The following CACNA1C variants were observed in gnomAD, a reference collection of about 807,000 sequenced individuals.
CACNA1C encodes the protein voltage-dependent L-type calcium channel subunit alpha-1C.
A neutral mutation model predicts 229.0 loss-of-function variants in CACNA1C; 30 were observed. The ratio of observed to expected loss-of-function variants is 0.13; its 90% confidence interval spans 0.10 to 0.18. The LOEUF (loss-of-function observed/expected upper bound fraction) is 0.18, where lower values mean the gene tolerates loss of function less well. Among genes scored for constraint, CACNA1C ranks in the 10% least tolerant of loss-of-function variants. CACNA1C has a pLI of 1.00. For missense variants in CACNA1C, 1,658 were observed against 2,845.0 expected, an observed-to-expected ratio of 0.58 and a Z score of 9.49; for synonymous variants, 1,114 against 1,132.5, an observed-to-expected ratio of 0.98 and a Z score of 0.33.
In CACNA1C at chr12:2,643,108, C is replaced by T. The variant is rs141486803; in HGVS notation, c.3913-5367C>T. Among the ~76,000 whole-genome samples, 551 of 152,322 alleles carry T rather than the reference C, an allele frequency of 3.6e-3. 3 individuals carry two copies. Among genetic ancestry groups the T allele is most frequent in the African/African-American group, 0.013 (525 of 41,582 alleles). ...AGCCCGGCTGCCAGTCCCCTTGGGGCCAAAGACCCCTCGAGGGGAGTTCTG... is the reference window on the plus strand; with the variant it reads ...AGCCCGGCTGCCAGTCCCCTTGGGGTCAAAGACCCCTCGAGGGGAGTTCTG... On this transcript the variant is annotated intron_variant, in intron 30 of 46. Transcript: ENST00000399655.
intron 14 of CACNA1C, among the ~76,000 whole-genome samples, 195 bp from the exon 15 acceptor site, chr12:2,582,627 T>C (rs1387621420): frequency 6.6e-6 from 1 of 152,164 alleles, no homozygotes; most frequent in Non-Finnish European, 1.5e-5. Context: ...ATTATGCCAA[T>C]AGCCAGGCAT....
intron 1 of CACNA1C, among the ~76,000 whole-genome samples, chr12:2,088,555 G>A (rs533571480): frequency 6.4e-4 from 98 of 152,326 alleles, no homozygotes; most frequent in South Asian, 5.2e-3. Context: ...ATCAATGTAT[G>A]TAAAATCATG....
chr12:2,462,620 G>A (rs987638200), intron 5 of CACNA1C, among the ~76,000 whole-genome samples: 1 of 152,184 alleles, frequency 6.6e-6, no homozygotes. Context: ...ATGGTTACAC[G>A]GACGCCCATG....
chr12:2,127,848 T>C (rs761508916), intron 3 of CACNA1C, among the ~76,000 whole-genome samples: 3 of 152,230 alleles, frequency 2.0e-5, no homozygotes, highest in Non-Finnish European at 2.9e-5. Flanking sequence ...GTATCTCTTT[T>C]GGCACGTGGA....
chr12:2,011,623 A>T (rs1034307154), intron 1 of CACNA1C, among the ~76,000 whole-genome samples: 1 of 152,232 alleles, frequency 6.6e-6, no homozygotes, highest in African/African-American at 2.4e-5. Context: ...TCAAATCTTT[A>T]CAAACATGTA....
chr12:2,079,794 C>T (rs897896131), intron 1 of CACNA1C, among the ~76,000 whole-genome samples: 10 of 152,344 alleles, frequency 6.6e-5, no homozygotes, highest in African/African-American at 1.7e-4. Flanking sequence ...CCTTCTTCCA[C>T]AGCTCAGGAC....
chr12:2,323,162 C>T (rs965400714), intron 3 of CACNA1C, among the ~76,000 whole-genome samples: 1 of 152,216 alleles, frequency 6.6e-6, no homozygotes, highest in African/African-American at 2.4e-5. Flanking sequence ...CAGCCAGACA[C>T]GGCTGTAGCT....
rs114730420 is a variant in CACNA1C, at chr12:2,657,984, G to A, written c.4232+2746G>A. ...GAAATGTATCAATTACATACCAATA[G>A]AAGTATAAGGAGAACACACACACAC... On this transcript the variant is annotated intron_variant, in intron 34 of 46. Transcript: ENST00000399655. 3.7e-3 allele frequency among the ~76,000 whole-genome samples: 565 copies of A among 150,816 alleles called. 3 individuals carry two copies. The highest frequency in any genetic ancestry group is 0.013 in the African/African-American group (539 of 40,352).
In CACNA1C at chr12:2,647,202, C is replaced by A. The variant is rs573415015; in HGVS notation, c.3913-1273C>A. On this transcript the variant is annotated intron_variant, in intron 30 of 46. Coordinates refer to ENST00000399655, the MANE Select transcript of CACNA1C (RefSeq NM_000719.7). This position sits in a 1 kb window ranked among gnomAD's most constrained non-coding sequence, Gnocchi z 4.2. ...CTTAAAAACAGAAATACAAGAGCAA[C>A]CATCTGAAAGTGGAGAGTAAAAGCC... is the stretch of plus-strand genomic sequence containing the variant. Among the ~76,000 whole-genome samples, 1 of 152,318 alleles carries A rather than the reference C, an allele frequency of 6.6e-6. No individual in the cohort carries two copies. Among genetic ancestry groups the A allele is most frequent in the East Asian group, 1.9e-4 (1 of 5,186 alleles).
At chr12:2,567,012 G>A (rs982269542) in intron 12 of CACNA1C, among the ~76,000 whole-genome samples, 1 of 152,220 alleles carries the variant, frequency 6.6e-6, no homozygotes, top group Admixed American at 6.5e-5. Context: ...TAGGGCCTGA[G>A]CACAAGGAAC....
chr12:2,395,704 G>A (rs537916103), intron 3 of CACNA1C, among the ~76,000 whole-genome samples: 1 of 152,108 alleles, frequency 6.6e-6, no homozygotes, highest in Non-Finnish European at 1.5e-5. Flanking sequence ...TCCAGTCTGA[G>A]GCTTCCCATG....
chr12:2,128,977 T>A (rs2091307116), intron 3 of CACNA1C, among the ~76,000 whole-genome samples: 1 of 152,226 alleles, frequency 6.6e-6, no homozygotes, highest in African/African-American at 2.4e-5. Flanking sequence ...TCTCCCGGTC[T>A]GTGTTCTTAG....
chr12:2,652,533 T>C (rs2095108847), intron 32 of CACNA1C, among the ~76,000 whole-genome samples: 1 of 152,230 alleles, frequency 6.6e-6, no homozygotes, highest in East Asian at 1.9e-4. Flanking sequence ...GAGGGGCCGC[T>C]CTCAGCCTTT....
chr12:2,627,111 C>T (rs2087187311), intron 29 of CACNA1C, among the ~76,000 whole-genome samples: 1 of 152,254 alleles, frequency 6.6e-6, no homozygotes, highest in South Asian at 2.1e-4. Flanking sequence ...CCCCTGCCCA[C>T]TCCTGCCCTT....
intron 3 of CACNA1C, among the ~76,000 whole-genome samples, chr12:2,340,324 G>T (rs909270277): frequency 6.6e-6 from 1 of 152,208 alleles, no homozygotes; most frequent in Non-Finnish European, 1.5e-5. Flanking sequence ...ACTTAAGAAA[G>T]CCTGTCCAAA....
intron 5 of CACNA1C, among the ~76,000 whole-genome samples, chr12:2,474,521 G>C (rs559701853): frequency 6.6e-6 from 1 of 152,152 alleles, no homozygotes; most frequent in Non-Finnish European, 1.5e-5. Flanking sequence ...TTGGGAGGCC[G>C]AGGCAGGCAG....
At chr12:2,115,982 G>A (rs1274122942) in intron 2 of CACNA1C, among the ~76,000 whole-genome samples, 1 of 152,078 alleles carries the variant, frequency 6.6e-6, no homozygotes, top group African/African-American at 2.4e-5. Context: ...ATGCTTTCAC[G>A]GCCTTCCCTC....
rs907129614 is a variant in CACNA1C at position 2,696,130 on chromosome 12, A to G, written c.*4931A>G. 2 of 152,212 alleles carry G rather than the reference A, an allele frequency of 1.3e-5. No individual in the cohort carries two copies. The highest frequency in any genetic ancestry group is 2.4e-5 in the African/African-American group (1 of 41,442). 9.4% of individuals were successfully genotyped at this position (152,212 alleles called of 1,614,324 possible). On this transcript the variant is annotated 3_prime_UTR_variant, in exon 47 of 47. Coordinates refer to ENST00000399655, the MANE Select transcript of CACNA1C (RefSeq NM_000719.7). ...CAACACTTTTTCCTGGGATGACTTT[A>G]AGAGGTTTGAGCCACAGCACCTGAA...
chr12:2,123,245 G>A (rs1454391062), intron 3 of CACNA1C, among the ~76,000 whole-genome samples: 2 of 151,888 alleles, frequency 1.3e-5, no homozygotes, highest in Admixed American at 6.6e-5. Context: ...GCGTGGTGGC[G>A]GGCACCTGTA....
Sources: allele counts gnomAD v4.1 joint callset (sites outside exome capture counted in the v4.1 genomes callset), GRCh38; gene constraint gnomAD v4.1.1; non-coding constraint Gnocchi (gnomAD v3.1); transcripts MANE v1.5; gene names NCBI Gene and HGNC (gene_info 2026-07-23, HGNC 2026-07-21).